SLC16A2: variants seen among roughly 807,000 people sequenced by gnomAD.
SLC16A2 encodes monocarboxylate transporter 8.
Under a neutral mutation model 27.2 loss-of-function variants are expected in SLC16A2, and 3 were observed. The ratio of observed to expected loss-of-function variants is 0.11; its 90% CI spans 0.05 to 0.28. The LOEUF is 0.28. SLC16A2 is among the 10% of genes least tolerant of loss of function. SLC16A2 has a pLI of 1.00. For synonymous variants in SLC16A2, 202 were observed against 187.8 expected (o/e 1.08, Z -0.62); for missense variants, 295 against 458.5 (o/e 0.64, Z 3.26).
At chrX:74,511,868 G>A (rs1930239056) in intron 1 of SLC16A2, among the ~76,000 whole-genome samples, 1 of 111,813 alleles carries the variant, frequency 8.9e-6, no homozygotes, top group South Asian at 3.8e-4. Flanking sequence ...CCCTGCACAA[G>A]GCCAGGGAAA....
At chrX:74,449,795 C>T (rs1047290990) in intron 1 of SLC16A2, among the ~76,000 whole-genome samples, 3 of 111,807 alleles carry the variant, frequency 2.7e-5, no homozygotes, top group Non-Finnish European at 3.8e-5. Context: ...CTGTAAAGGC[C>T]TTGATTCATC....
intron 1 of SLC16A2, among the ~76,000 whole-genome samples, chrX:74,441,697 A>G (rs1039126797): frequency 4.5e-5 from 5 of 111,474 alleles, no homozygotes; most frequent in Non-Finnish European, 9.4e-5. Flanking sequence ...CCCACCACCT[A>G]GAGATGTGGT....
At chrX:74,452,095 G>C (rs980155459) in intron 1 of SLC16A2, among the ~76,000 whole-genome samples, 20 of 112,638 alleles carry the variant, frequency 1.8e-4, no homozygotes, top group Admixed American at 9.4e-5. Context: ...GGGAAATGAT[G>C]ATAATAGAGT....
chrX:74,513,892 G>A (rs1471978451), intron 1 of SLC16A2, among the ~76,000 whole-genome samples: 1 of 112,108 alleles, frequency 8.9e-6, no homozygotes, highest in African/African-American at 3.2e-5. Flanking sequence ...AATACCATAT[G>A]TCACTCATTT....
chrX:74,447,662 G>A (rs774369063), intron 1 of SLC16A2, among the ~76,000 whole-genome samples: 2 of 107,591 alleles, frequency 1.9e-5, no homozygotes, highest in Non-Finnish European at 3.8e-5. Flanking sequence ...GCAACAGAGT[G>A]AGAACCTGTT....
intron 1 of SLC16A2, among the ~76,000 whole-genome samples, chrX:74,445,899 T>C (rs1036491107): frequency 1.8e-5 from 2 of 110,267 alleles, no homozygotes; most frequent in Non-Finnish European, 3.8e-5. Context: ...GCAAGGCTGC[T>C]TTAAAGGTGC....
At chrX:74,516,200 A>G (rs1012871980) in intron 1 of SLC16A2, among the ~76,000 whole-genome samples, 1 of 110,840 alleles carries the variant, frequency 9.0e-6, no homozygotes, top group African/African-American at 3.3e-5. Context: ...AGCTGGGACT[A>G]TGGGTGTGCA....
intron 1 of SLC16A2, among the ~76,000 whole-genome samples, chrX:74,465,301 A>G (rs1184042824): frequency 9.0e-6 from 1 of 111,577 alleles, no homozygotes. Flanking sequence ...TTGCCGCAGT[A>G]TGGAAAGGAG....
At chrX:74,482,953 CT>C (rs1172881312) in intron 1 of SLC16A2, among the ~76,000 whole-genome samples, 2 of 112,119 alleles carry the variant, frequency 1.8e-5, no homozygotes, top group Admixed American at 9.5e-5. Flanking sequence ...GATCCTCTTG[CT>C]TTGGCCTCTG....
At chrX:74,449,724 C>G (rs2147844947) in intron 1 of SLC16A2, among the ~76,000 whole-genome samples, 1 of 111,981 alleles carries the variant, frequency 8.9e-6, no homozygotes, top group East Asian at 2.8e-4. Flanking sequence ...TAGCCACACA[C>G]CCCTCTAAGT....
chrX:74,530,358 C>T (rs1310018677), intron 5 of SLC16A2, among the ~76,000 whole-genome samples: 1 of 111,690 alleles, frequency 9.0e-6, no homozygotes, highest in Non-Finnish European at 1.9e-5. Context: ...CCTCAGCCTC[C>T]CAAAGTGCTG....
chrX:74,469,915 T>C (rs1418436240), intron 1 of SLC16A2, among the ~76,000 whole-genome samples: 1 of 112,101 alleles, frequency 8.9e-6, no homozygotes, highest in Admixed American at 9.5e-5. Context: ...ATAACATGTG[T>C]CTACCATTAT....
intron 1 of SLC16A2, among the ~76,000 whole-genome samples, chrX:74,494,127 C>T (rs998850102): frequency 3.6e-5 from 4 of 112,300 alleles, no homozygotes; most frequent in African/African-American, 1.3e-4. Flanking sequence ...AAGCACCCAT[C>T]GGCAATACTG....
intron 1 of SLC16A2, among the ~76,000 whole-genome samples, chrX:74,463,406 G>T (rs1929189909): frequency 1.8e-5 from 2 of 111,897 alleles, no homozygotes; most frequent in African/African-American, 6.5e-5. Context: ...TAAGAATATT[G>T]AGTTAGTTCA....
intron 1 of SLC16A2, among the ~76,000 whole-genome samples, chrX:74,504,893 G>A (rs1240972466): frequency 9.0e-6 from 1 of 111,665 alleles, no homozygotes; most frequent in African/African-American, 3.3e-5. Flanking sequence ...GGGAGGCTGA[G>A]GTGAGAAGAT....
chrX:74,449,822 C>T lies in SLC16A2; in HGVS notation c.430+27755C>T, dbSNP rs868208605. Among the ~76,000 whole-genome samples, 43 of 111,937 alleles carry T rather than the reference C, an allele frequency of 3.8e-4. 1 individual carries two copies. Among genetic ancestry groups the T allele is most frequent in the South Asian group, 3.4e-3 (9 of 2,650 alleles). On this transcript the variant is annotated intron_variant, in intron 1 of 5. Coordinates refer to ENST00000587091, the MANE Select transcript of SLC16A2 (RefSeq NM_006517.5). ...TGATTCATCCTGGTTGTGAGGAACT[C>T]TTTTAAGTTTGGCAGCTGTTTTACT...
intron 1 of SLC16A2, among the ~76,000 whole-genome samples, chrX:74,456,551 T>C (rs1488398485): frequency 9.0e-6 from 1 of 111,375 alleles, no homozygotes; most frequent in Non-Finnish European, 1.9e-5. Context: ...CAACAACCAC[T>C]ACTACTACTA....
intron 1 of SLC16A2, among the ~76,000 whole-genome samples, chrX:74,448,798 T>C (rs1928885544): frequency 9.0e-6 from 1 of 111,662 alleles, no homozygotes; most frequent in Non-Finnish European, 1.9e-5. Context: ...GGGCTGAGTG[T>C]TGATCTCAGG....
At chrX:74,518,063 GA>G (rs916982876) in intron 1 of SLC16A2, among the ~76,000 whole-genome samples, 16 of 109,733 alleles carry the variant, frequency 1.5e-4, no homozygotes, top group South Asian at 3.8e-4. Context: ...GCACAATTAT[GA>G]AAAAAAAAGC....
Sources: gnomAD v4.1 joint callset for allele counts (sites outside exome capture counted in the v4.1 genomes callset) on GRCh38, gnomAD v4.1.1 for gene constraint, MANE v1.5 for transcripts, NCBI Gene and HGNC (gene_info 2026-07-23, HGNC 2026-07-21) for gene names.